Variants in TGFBR3 observed in about 807,000 individuals in gnomAD.
The protein encoded by TGFBR3 is transforming growth factor beta receptor type 3.
Under a neutral mutation model 87.9 loss-of-function variants are expected in TGFBR3, and 46 were observed. The observed-to-expected ratio is 0.52, with a 90% confidence interval of 0.41 to 0.67. The LOEUF (loss-of-function observed/expected upper bound fraction) is 0.67, where lower values mean the gene tolerates loss of function less well. Among genes scored for constraint, TGFBR3 ranks in the 30% least tolerant of loss-of-function variants. TGFBR3 has a pLI of 0.00. For synonymous variants in TGFBR3, 381 were observed against 391.6 expected (o/e 0.97, Z 0.32); for missense variants, 866 against 1,041.9 (o/e 0.83, Z 2.32).
chr1:91,716,927 T>TA (rs529012751), intron 10 of TGFBR3, among the ~76,000 whole-genome samples: 125 of 152,352 alleles, frequency 8.2e-4, no homozygotes, highest in Non-Finnish European at 1.1e-3. Flanking sequence ...AAAGCTAAAC[T>TA]AATATTTGTA....
At chr1:91,799,290 C>T (rs1675510429) in intron 2 of TGFBR3, among the ~76,000 whole-genome samples, 1 of 152,224 alleles carries the variant, frequency 6.6e-6, no homozygotes, top group African/African-American at 2.4e-5. Flanking sequence ...TAGTCACTGC[C>T]ACTCTCTGGA....
intron 3 of TGFBR3, among the ~76,000 whole-genome samples, chr1:91,783,958 A>C (rs1324034115): frequency 6.6e-6 from 1 of 152,188 alleles, no homozygotes; most frequent in African/African-American, 2.4e-5. Context: ...CAATGGCCCA[A>C]CTTCAAACCT....
chr1:91,698,484 G>T lies in TGFBR3; in HGVS notation c.2288-354C>A, dbSNP rs137985985. Among the ~76,000 whole-genome samples, 1,176 of 149,342 alleles carry T rather than the reference G, an allele frequency of 7.9e-3. 15 individuals are homozygous for T. The highest frequency in any genetic ancestry group is 0.011 in the Non-Finnish European group (762 of 67,338). ...TTAAGTACCATGCTTTTCCAGTGTAGTCTAATATTATTCTGCTTTCAAAAT... is the reference window on the plus strand; with the variant it reads ...TTAAGTACCATGCTTTTCCAGTGTATTCTAATATTATTCTGCTTTCAAAAT... On this transcript the variant is annotated intron_variant, in intron 14 of 16. Transcript: ENST00000212355.
chr1:91,843,886 C>T (rs1677380614), intron 2 of TGFBR3, among the ~76,000 whole-genome samples: 1 of 152,204 alleles, frequency 6.6e-6, no homozygotes, highest in South Asian at 2.1e-4. Context: ...AGTTACTCTT[C>T]ATCTTGATAA....
chr1:91,718,155 C>T (rs1004136062), intron 10 of TGFBR3, among the ~76,000 whole-genome samples: 7 of 152,132 alleles, frequency 4.6e-5, no homozygotes, highest in Middle Eastern at 3.2e-3. Context: ...TGGATTCAGT[C>T]GTCCTGGCTC....
intron 3 of TGFBR3, among the ~76,000 whole-genome samples, chr1:91,759,442 A>G (rs1235328986): frequency 1.3e-5 from 2 of 151,434 alleles, no homozygotes; most frequent in Non-Finnish European, 2.9e-5. Context: ...CAAAAACTGT[A>G]ACCAATTTTG....
intron 3 of TGFBR3, among the ~76,000 whole-genome samples, chr1:91,764,094 C>T (rs1674074617): frequency 6.6e-6 from 1 of 151,952 alleles, no homozygotes; most frequent in South Asian, 2.1e-4. Context: ...CCCCCCCACA[C>T]ACACCCAGGG....
intron 2 of TGFBR3, among the ~76,000 whole-genome samples, 192 bp downstream of exon 2, chr1:91,861,279 A>G (rs1247968610): frequency 6.6e-6 from 1 of 152,096 alleles, no homozygotes; most frequent in Non-Finnish European, 1.5e-5. Flanking sequence ...ACACGCCTGT[A>G]GTCCCAACTA....
intron 3 of TGFBR3, among the ~76,000 whole-genome samples, chr1:91,768,028 C>T (rs569326461): frequency 5.9e-5 from 9 of 152,098 alleles, no homozygotes; most frequent in African/African-American, 2.2e-4. Context: ...GCCTGGCCAA[C>T]ATGGAGAAAC....
At chr1:91,685,251 T>A (rs1671050414) in intron 16 of TGFBR3, among the ~76,000 whole-genome samples, 1 of 152,036 alleles carries the variant, frequency 6.6e-6, no homozygotes, top group African/African-American at 2.4e-5. Flanking sequence ...TATCTTTTCT[T>A]CTGGGATTGG....
intron 2 of TGFBR3, among the ~76,000 whole-genome samples, chr1:91,858,414 C>T (rs2101177807): frequency 6.6e-6 from 1 of 151,556 alleles, no homozygotes; most frequent in South Asian, 2.1e-4. Context: ...CAGGAGTTCA[C>T]GACCAGCCTG....
intron 2 of TGFBR3, among the ~76,000 whole-genome samples, chr1:91,847,413 G>C (rs1677542899): frequency 6.6e-6 from 1 of 152,018 alleles, no homozygotes; most frequent in South Asian, 2.1e-4. Flanking sequence ...AGACCAGCCT[G>C]AGCAACATGG....
intron 4 of TGFBR3, among the ~76,000 whole-genome samples, chr1:91,751,254 A>C (rs181996168): frequency 6.4e-4 from 97 of 152,330 alleles, no homozygotes; most frequent in African/African-American, 2.3e-3. Context: ...ACACAATAGA[A>C]TACAGAATTT....
At chr1:91,867,400 C>T (rs1678428120) in intron 1 of TGFBR3, among the ~76,000 whole-genome samples, 1 of 152,186 alleles carries the variant, frequency 6.6e-6, no homozygotes, top group South Asian at 2.1e-4. Context: ...CCAGAGCAGG[C>T]CCACCCTCAT....
intron 3 of TGFBR3, among the ~76,000 whole-genome samples, chr1:91,774,939 T>C (rs1161460882): frequency 1.3e-5 from 2 of 152,024 alleles, no homozygotes; most frequent in Non-Finnish European, 2.9e-5. Context: ...AAAAATGAAA[T>C]TTATATATAA....
chr1:91,733,415 G>A (rs1672843085), intron 5 of TGFBR3, among the ~76,000 whole-genome samples: 2 of 152,222 alleles, frequency 1.3e-5, no homozygotes, highest in Admixed American at 6.5e-5. Flanking sequence ...TAAGTGGGAT[G>A]CACGTGAAGG....
At chr1:91,792,523 T>C (rs760531205) in intron 3 of TGFBR3, among the ~76,000 whole-genome samples, 5 of 152,172 alleles carry the variant, frequency 3.3e-5, no homozygotes, top group Non-Finnish European at 7.3e-5. Context: ...CTTTTCATAA[T>C]AAGCAAGCAA....
chr1:91,710,165 T>C (rs1339245992), intron 13 of TGFBR3, among the ~76,000 whole-genome samples: 1 of 152,194 alleles, frequency 6.6e-6, no homozygotes, highest in Non-Finnish European at 1.5e-5. Context: ...TTCCATCTTT[T>C]CCAAACACAA....
At chr1:91,729,685 T>C (rs1011615883) in intron 6 of TGFBR3, 120 bp downstream of exon 6, 20 of 1,164,272 alleles carry the variant, frequency 1.7e-5, no homozygotes, top group East Asian at 2.4e-5. Context: ...GAAGCATCAA[T>C]GGCTCCCTTC....
Sources: gnomAD v4.1 joint callset for allele counts (sites outside exome capture counted in the v4.1 genomes callset) on GRCh38, gnomAD v4.1.1 for gene constraint, MANE v1.5 for transcripts, NCBI Gene and HGNC (gene_info 2026-07-23, HGNC 2026-07-21) for gene names.